The following VTI1A variants were observed in gnomAD, a reference collection of about 807,000 sequenced individuals.
VTI1A encodes the protein vesicle transport through interaction with t-SNAREs 1A.
In VTI1A, 22 loss-of-function variants were observed where a neutral mutation model predicts 34.9. The ratio of observed to expected loss-of-function variants is 0.63; its 90% CI spans 0.45 to 0.90. The LOEUF is 0.90. VTI1A is among the 40% of genes least tolerant of loss of function. The pLI is 0.00. For synonymous variants in VTI1A, 87 were observed against 97.3 expected (o/e 0.89, Z 0.62); for missense variants, 268 against 275.6 (o/e 0.97, Z 0.20).
intron 5 of VTI1A, among the ~76,000 whole-genome samples, chr10:112,539,011 A>G (rs962644228): frequency 6.6e-6 from 1 of 152,188 alleles, no homozygotes; most frequent in Non-Finnish European, 1.5e-5. Context: ...TAAAATGAAC[A>G]TGCTTTTTTG....
chr10:112,785,419 G>T (rs1852254796), intron 7 of VTI1A, among the ~76,000 whole-genome samples: 1 of 151,986 alleles, frequency 6.6e-6, no homozygotes, highest in South Asian at 2.1e-4. Context: ...ACCTTTTTTT[G>T]GATATATGAT....
chr10:112,726,334 G>A (rs1393976256), intron 7 of VTI1A, among the ~76,000 whole-genome samples: 4 of 152,128 alleles, frequency 2.6e-5, no homozygotes, highest in Non-Finnish European at 4.4e-5. Context: ...AAGAATAATG[G>A]TACCCTTTCT....
intron 3 of VTI1A, among the ~76,000 whole-genome samples, chr10:112,487,422 C>G (rs903623464): frequency 1.1e-4 from 16 of 152,152 alleles, no homozygotes; most frequent in Non-Finnish European, 1.9e-4. Flanking sequence ...CCGTGCCTGG[C>G]CTAATCTTGC....
Position 112,672,204 on chromosome 10 carries a change from G to A in VTI1A, c.560+3206G>A, listed in dbSNP as rs147548123. On this transcript the variant is annotated intron_variant, in intron 7 of 7. Transcript: ENST00000393077. ...ATAGGGAAATAGAAAATGGTATATG[G>A]AATCATTACAAACAAATTTTGAAAA... 5.1e-3 allele frequency among the ~76,000 whole-genome samples: 769 copies of A among 152,190 alleles called. 9 individuals carry two copies. Among genetic ancestry groups the A allele is most frequent in the African/African-American group, 0.018 (737 of 41,516 alleles).
chr10:112,498,274 T>G (rs1260894886), intron 3 of VTI1A, among the ~76,000 whole-genome samples: 1 of 152,222 alleles, frequency 6.6e-6, no homozygotes, highest in Non-Finnish European at 1.5e-5. Flanking sequence ...GTTAAGTTAT[T>G]CTTAAAGAGT....
intron 5 of VTI1A, among the ~76,000 whole-genome samples, chr10:112,550,953 T>C (rs1340576768): frequency 1.3e-5 from 2 of 152,096 alleles, no homozygotes; most frequent in African/African-American, 4.8e-5. Flanking sequence ...TTATATAAAG[T>C]ACCTTCACGG....
intron 3 of VTI1A, among the ~76,000 whole-genome samples, chr10:112,500,212 G>T: frequency 6.6e-6 from 1 of 152,024 alleles, no homozygotes; most frequent in East Asian, 1.9e-4. Context: ...CAAGGTGGGC[G>T]GATCATGAGG....
At chr10:112,564,380 G>A (rs1407781526) in intron 5 of VTI1A, among the ~76,000 whole-genome samples, 2 of 149,674 alleles carry the variant, frequency 1.3e-5, no homozygotes, top group Non-Finnish European at 2.9e-5. Context: ...TTCACTGTGA[G>A]TTTAGTTTTC....
intron 5 of VTI1A, among the ~76,000 whole-genome samples, chr10:112,633,627 C>G (rs565706244): frequency 6.6e-6 from 1 of 151,960 alleles, no homozygotes; most frequent in Non-Finnish European, 1.5e-5. Context: ...GGGCATTGCC[C>G]CCAAAAAGTA....
Position 112,765,768 on chromosome 10 carries a change from T to C in VTI1A, c.561-49522T>C, listed in dbSNP as rs933164008. On this transcript the variant is annotated intron_variant, in intron 7 of 7. Coordinates refer to ENST00000393077, the MANE Select transcript of VTI1A (RefSeq NM_145206.4). ...TGATAAGTAAGTGGTTCTCAAACTT[T>C]AGCAGGCACCAGAATCCCCTGGAGG... 3.3e-5 allele frequency among the ~76,000 whole-genome samples: 5 copies of C among 152,178 alleles called. No homozygotes were observed. The East Asian group carries it at 7.7e-4, about 23-fold the overall frequency.
At chr10:112,655,147 A>G (rs1374943983) in intron 5 of VTI1A, among the ~76,000 whole-genome samples, 1 of 152,100 alleles carries the variant, frequency 6.6e-6, no homozygotes, top group Non-Finnish European at 1.5e-5. Flanking sequence ...CCCCCCATAC[A>G]CACCCGTACT....
intron 5 of VTI1A, among the ~76,000 whole-genome samples, chr10:112,597,971 A>G (rs1458435334): frequency 6.6e-6 from 1 of 152,054 alleles, no homozygotes; most frequent in Non-Finnish European, 1.5e-5. Context: ...TGCTGGGATT[A>G]CAGGCATGAG....
At chr10:112,460,889 C>T (rs1847706797) in intron 2 of VTI1A, among the ~76,000 whole-genome samples, 1 of 152,298 alleles carries the variant, frequency 6.6e-6, no homozygotes, top group African/African-American at 2.4e-5. Context: ...ATTAAAAATA[C>T]TACTTGCTTT....
intron 4 of VTI1A, among the ~76,000 whole-genome samples, chr10:112,530,865 G>A (rs1035583906): frequency 2.6e-5 from 4 of 152,078 alleles, no homozygotes; most frequent in Admixed American, 6.6e-5. Context: ...AAATCTGTTC[G>A]TTACGTGCTG....
intron 5 of VTI1A, among the ~76,000 whole-genome samples, chr10:112,570,262 G>A (rs1852068949): frequency 6.6e-6 from 1 of 151,588 alleles, no homozygotes; most frequent in Admixed American, 6.6e-5. Context: ...TTTTAAGTTT[G>A]GAAACTGATA....
intron 5 of VTI1A, among the ~76,000 whole-genome samples, chr10:112,617,601 G>A (rs983101264): frequency 6.6e-6 from 1 of 152,108 alleles, no homozygotes; most frequent in South Asian, 2.1e-4. Flanking sequence ...GAAGTTAGGA[G>A]GTGAGTGATC....
intron 7 of VTI1A, among the ~76,000 whole-genome samples, chr10:112,684,136 A>G (rs768676463): frequency 3.3e-5 from 5 of 151,974 alleles, no homozygotes; most frequent in African/African-American, 1.2e-4. Context: ...GCTAAAGGTC[A>G]CAACTATTAA....
chr10:112,506,093 G>T (rs1849418592), intron 3 of VTI1A, among the ~76,000 whole-genome samples: 1 of 152,030 alleles, frequency 6.6e-6, no homozygotes, highest in Non-Finnish European at 1.5e-5. Context: ...CCATTTCATT[G>T]TGTGAACGTC....
chr10:112,566,331 A>C (rs1336152832), intron 5 of VTI1A, among the ~76,000 whole-genome samples: 1 of 152,200 alleles, frequency 6.6e-6, no homozygotes, highest in Non-Finnish European at 1.5e-5. Flanking sequence ...AAAATGTTAA[A>C]ATAATAGATT....
Sources: gnomAD v4.1 joint callset for allele counts (sites outside exome capture counted in the v4.1 genomes callset) on GRCh38, gnomAD v4.1.1 for gene constraint, MANE v1.5 for transcripts, NCBI Gene and HGNC (gene_info 2026-07-23, HGNC 2026-07-21) for gene names.